The following AKAP9 variants were observed in gnomAD, a reference collection of about 807,000 sequenced individuals.
AKAP9 encodes A-kinase anchor protein 9.
Under a neutral mutation model 488.5 loss-of-function variants are expected in AKAP9, and 311 were observed. That is an observed-to-expected ratio of 0.64 (90% CI 0.58 to 0.70). The LOEUF (loss-of-function observed/expected upper bound fraction) is 0.70. AKAP9 is among the 30% of genes least tolerant of loss of function. The pLI is 0.00. For synonymous variants in AKAP9, 1,462 were observed against 1,483.5 expected, an observed-to-expected ratio of 0.99 and a Z score of 0.33; for missense variants, 4,215 against 4,374.5, an observed-to-expected ratio of 0.96 and a Z score of 1.03.
rs1263767103 is a variant in AKAP9, at chr7:92,077,810, A to G, written c.6880A>G (p.Ile2294Val). Residue 2294 changes from isoleucine (I) to valine (V), a missense_variant, in exon 30 of 50, where the codon ATT becomes GTT. Ile to Val is a conservative substitution (Grantham distance 29). This residue lies in a region of AKAP9 where 1,476 missense variants were observed against 1,477.4 expected (regional missense o/e 1.00). Transcript: ENST00000356239. ...AATAATACAGGAAAAAGAGGTAGAA[A>G]TTGACCAATTAAATGAACAAGTTAC... ...AQIIQEKEVEIDQLNEQVTKL... is the reference protein window; with the variant it reads ...AQIIQEKEVEVDQLNEQVTKL... 1 of 1,613,756 alleles carries G rather than the reference A, an allele frequency of 6.2e-7. No individual in the cohort carries two copies. The highest frequency in any genetic ancestry group is 1.3e-5 in the African/African-American group (1 of 74,912).
intron 1 of AKAP9, among the ~76,000 whole-genome samples, chr7:91,965,362 A>G (rs938892494): frequency 6.6e-6 from 1 of 152,120 alleles, no homozygotes; most frequent in Non-Finnish European, 1.5e-5. Context: ...GCGAATGACA[A>G]TTTGTTCTTT....
At position 92,093,138 on chromosome 7, in the gene AKAP9, C is replaced by T; in HGVS notation, c.9400C>T (p.Leu3134=). The part of the protein sequence containing the change: ...YNIQQKQSQM[L]EMQVELSSMK... ...TATACAGCAGAAGCAGTCTCAAATG[C>T]TGGAGATGCAAGTGGAGCTCAGCAG... Residue 3134 remains leucine, a synonymous_variant, in exon 39 of 50, where the codon CTG becomes TTG. Transcript: ENST00000356239. 6.2e-7 allele frequency: 1 copy of T among 1,614,118 alleles called. No homozygotes were observed. The highest frequency in any genetic ancestry group is 1.1e-5 in the South Asian group (1 of 91,082).
chr7:92,105,555 G>A (rs553305551), intron 46 of AKAP9, 123 bp from the exon 47 acceptor site: 436 of 766,958 alleles, frequency 5.7e-4, no homozygotes, highest in Middle Eastern at 2.8e-3. Flanking sequence ...TAGTTTAACT[G>A]GGCAATTGTG....
At chr7:92,005,649 G>T (rs12539231) in intron 8 of AKAP9, among the ~76,000 whole-genome samples, 6 of 151,784 alleles carry the variant, frequency 4.0e-5, no homozygotes, top group Admixed American at 1.3e-4. Context: ...CAAGAAATTC[G>T]AATTGCTTAA....
chr7:91,992,131 A>C, intron 3 of AKAP9, 27 bp from the exon 4 acceptor site: 1 of 1,555,010 alleles, frequency 6.4e-7, no homozygotes, highest in Non-Finnish European at 8.9e-7. Context: ...TAAGATCATA[A>C]TATATCAGGA....
chr7:92,097,574 C>T lies in AKAP9; in HGVS notation c.10399-12C>T, dbSNP rs771780157. 2 of 1,612,378 alleles carry T rather than the reference C, an allele frequency of 1.2e-6. No individual in the cohort carries two copies. Among genetic ancestry groups the T allele is most frequent in the Non-Finnish European group, 1.7e-6 (2 of 1,179,700 alleles). On this transcript the variant is annotated splice_polypyrimidine_tract_variant and intron_variant, in intron 41 of 49. Transcript: ENST00000356239. Reference sequence around the variant, plus strand: ...ATAATTATTGTTTTCTTATTCTGTCCAAAATTGCCAGCCAACCACGTGGAG... The same window carrying T: ...ATAATTATTGTTTTCTTATTCTGTCTAAAATTGCCAGCCAACCACGTGGAG...
intron 3 of AKAP9, among the ~76,000 whole-genome samples, chr7:91,986,012 T>A (rs1006103166): frequency 2.0e-5 from 3 of 152,210 alleles, no homozygotes; most frequent in Admixed American, 1.3e-4. Context: ...TCTTTGTACC[T>A]CTGGTAGAAT....
chr7:91,996,664 T>TG (rs1798446377), intron 7 of AKAP9, among the ~76,000 whole-genome samples: 1 of 152,184 alleles, frequency 6.6e-6, no homozygotes, highest in Non-Finnish European at 1.5e-5. Flanking sequence ...AGCATTGATT[T>TG]GGGGGTTACA....
At chr7:92,086,959 C>T (rs1251682285) in intron 37 of AKAP9, among the ~76,000 whole-genome samples, 1 of 152,154 alleles carries the variant, frequency 6.6e-6, no homozygotes, top group African/African-American at 2.4e-5. Context: ...CCTTCTCGTA[C>T]TTAGGAACAC....
intron 46 of AKAP9, among the ~76,000 whole-genome samples, chr7:92,104,147 A>T (rs1818107440): frequency 6.6e-6 from 1 of 150,802 alleles, no homozygotes; most frequent in Non-Finnish European, 1.5e-5. Context: ...TTTTAAAGTT[A>T]TTTCTATCAG....
At chr7:92,072,721 A>G (rs1210511933) in intron 28 of AKAP9, among the ~76,000 whole-genome samples, 2 of 151,674 alleles carry the variant, frequency 1.3e-5, no homozygotes, top group East Asian at 3.8e-4. Context: ...AGAAAAAGAT[A>G]CGTTCCATAG....
chr7:92,032,679 G>A (rs1238152003), intron 16 of AKAP9, among the ~76,000 whole-genome samples: 3 of 152,036 alleles, frequency 2.0e-5, no homozygotes, highest in Non-Finnish European at 2.9e-5. Flanking sequence ...ACATAAATTC[G>A]ATGAGGAAGT....
At chr7:92,069,490 A>G (rs796852855) in intron 26 of AKAP9, among the ~76,000 whole-genome samples, 18 of 152,354 alleles carry the variant, frequency 1.2e-4, no homozygotes, top group African/African-American at 4.1e-4. Flanking sequence ...TCTTTATACA[A>G]AGTTAAATTA....
At chr7:92,063,962 A>G (rs1810344390) in intron 24 of AKAP9, among the ~76,000 whole-genome samples, 1 of 152,024 alleles carries the variant, frequency 6.6e-6, no homozygotes, top group South Asian at 2.1e-4. Flanking sequence ...TTGTACTTTT[A>G]GTAGAGATGG....
rs1810578698 is a variant in AKAP9 at position 92,065,224 on chromosome 7, TAAAC to T, written c.5978-5_5978-2del. 2 of 1,535,318 alleles carry T rather than the reference TAAAC, an allele frequency of 1.3e-6. No homozygotes were observed. The highest frequency in any genetic ancestry group is 2.7e-5 in the African/African-American group (2 of 72,822). Reference sequence around the variant, plus strand: ...TTTAATTCAGTATATTTTGTATTAATAAACAGAATTACTACAGGAGACAGAAAAA... The same window carrying T: ...TTTAATTCAGTATATTTTGTATTAATAGAATTACTACAGGAGACAGAAAAA... On this transcript the variant is annotated splice_region_variant and splice_polypyrimidine_tract_variant and intron_variant, in intron 24 of 49. Coordinates refer to ENST00000356239, the MANE Select transcript of AKAP9 (RefSeq NM_005751.5).
chr7:92,110,218 G>T lies in AKAP9; in HGVS notation c.*59G>T. 7.4e-7 allele frequency: 1 copy of T among 1,351,174 alleles called. No individual in the cohort carries two copies. The highest frequency in any genetic ancestry group is 1.2e-5 in the South Asian group (1 of 81,962). 83.7% of individuals were successfully genotyped at this position (1,351,174 alleles called of 1,614,324 possible). On this transcript the variant is annotated 3_prime_UTR_variant, in exon 50 of 50. Coordinates refer to ENST00000356239, the MANE Select transcript of AKAP9 (RefSeq NM_005751.5). Reference sequence around the variant, plus strand: ...AATAGATTTCCTTTTGTAAATCAATGGTTCTTTTGTGCTTTTGTATTGTGA... The same window carrying T: ...AATAGATTTCCTTTTGTAAATCAATTGTTCTTTTGTGCTTTTGTATTGTGA...
intron 1 of AKAP9, among the ~76,000 whole-genome samples, chr7:91,950,999 G>A (rs953836550): frequency 3.3e-5 from 5 of 151,792 alleles, no homozygotes; most frequent in African/African-American, 1.2e-4. Flanking sequence ...TCATATCTGA[G>A]CATTTCTAAT....
rs1376477395 is a variant in AKAP9 at position 92,065,318 on chromosome 7, A to G, written c.6065A>G (p.Gln2022Arg). The change falls in exon 25 of 50, where the codon CAA (glutamine) becomes CGA (arginine). Residue 2022 changes from glutamine to arginine, a missense_variant. By Grantham distance (43) the Gln-to-Arg change is conservative. Transcript: ENST00000356239. ...AEKVRDDLQK[Q>R]VKALEIDVEE... ...AAAGTACGTGATGACCTTCAAAAACAAGTGAAAGCTCTAGAAATAGATGTG... is the reference window on the plus strand; with the variant it reads ...AAAGTACGTGATGACCTTCAAAAACGAGTGAAAGCTCTAGAAATAGATGTG... 8 of 1,613,172 alleles carry G rather than the reference A, an allele frequency of 5.0e-6. No homozygotes were observed. The East Asian group carries it at 1.1e-4, about 23-fold the overall frequency.
intron 49 of AKAP9, chr7:92,109,065 AG>A (rs1377023394): frequency 7.2e-6 from 2 of 278,024 alleles, no homozygotes; most frequent in Non-Finnish European, 6.9e-6. Context: ...AAAAAAAAAA[AG>A]AAAGTGGTAA....
Sources: gnomAD v4.1 joint callset for allele counts (sites outside exome capture counted in the v4.1 genomes callset) on GRCh38, gnomAD v4.1.1 for gene constraint, gnomAD v4.1.1 regional missense constraint, MANE v1.5 for transcripts, NCBI Gene and HGNC (gene_info 2026-07-23, HGNC 2026-07-21) for gene names.